Variants in PLD5 observed in about 807,000 individuals in gnomAD.
PLD5 encodes phospholipase D family member 5.
In PLD5, 36 loss-of-function variants were observed where a neutral mutation model predicts 61.1. The observed-to-expected ratio is 0.59, with a 90% confidence interval of 0.45 to 0.78. PLD5 has a LOEUF of 0.78. PLD5 is among the 30% of genes least tolerant of loss of function. The probability of loss-of-function intolerance (pLI) is 0.00; values close to 1 mark genes in which losing one functional copy is unlikely to be tolerated. For missense variants in PLD5, 515 were observed against 644.4 expected (o/e 0.80, Z 2.17); for synonymous variants, 243 against 242.8 (o/e 1.00, Z -0.01).
At chr1:242,144,114 C>T (rs1029872653) in intron 5 of PLD5, among the ~76,000 whole-genome samples, 9 of 152,090 alleles carry the variant, frequency 5.9e-5, no homozygotes, top group African/African-American at 2.2e-4. Context: ...AGTGATCTGC[C>T]CACCTTGGCC....
chr1:242,225,310 T>C (rs1255456685), intron 4 of PLD5, among the ~76,000 whole-genome samples: 1 of 152,076 alleles, frequency 6.6e-6, no homozygotes, highest in Non-Finnish European at 1.5e-5. Context: ...GTAAGACCCA[T>C]GCATGCTGTC....
At chr1:242,299,114 TA>T (rs199997452) in intron 2 of PLD5, among the ~76,000 whole-genome samples, 9,848 of 152,154 alleles carry the variant, frequency 0.065, 328 homozygotes, top group Middle Eastern at 0.12. Flanking sequence ...TCTATTACAT[TA>T]AAAAATTTTT....
chr1:242,287,073 T>A (rs531019395), intron 3 of PLD5, among the ~76,000 whole-genome samples: 33 of 152,242 alleles, frequency 2.2e-4, no homozygotes, highest in African/African-American at 5.1e-4. Context: ...AGCAACATGC[T>A]AGGATTCCAG....
At position 242,107,910 on chromosome 1, in the gene PLD5, T is replaced by C. The variant is rs1236740436; in HGVS notation, c.1071-71A>G. 15 of 1,376,778 alleles carry C rather than the reference T, an allele frequency of 1.1e-5. No individual in the cohort carries two copies. The East Asian group carries it at 1.4e-4, about 13-fold the overall frequency. The allele number at this position is 1,376,778 out of a possible 1,614,324, so 85.3% of individuals were successfully genotyped here. On this transcript the variant is annotated intron_variant, in intron 7 of 9. Coordinates refer to ENST00000536534, the MANE Select transcript of PLD5 (RefSeq NM_001372062.1). Reference sequence around the variant, plus strand: ...GGGAAAAGAAATTTACTAGACAGCATAGAACATTGATATTACTCAGATCAT... The same window carrying C: ...GGGAAAAGAAATTTACTAGACAGCACAGAACATTGATATTACTCAGATCAT...
intron 1 of PLD5, among the ~76,000 whole-genome samples, chr1:242,512,844 G>A (rs1668972474): frequency 6.7e-6 from 1 of 149,712 alleles, no homozygotes. Context: ...CAAACCTGAG[G>A]TTTCTTTCCA....
chr1:242,312,023 C>T (rs1022234917), intron 2 of PLD5, among the ~76,000 whole-genome samples: 103 of 151,868 alleles, frequency 6.8e-4, no homozygotes, highest in African/African-American at 2.4e-3. Flanking sequence ...TTTGAAATCA[C>T]TTATTGTGTT....
At chr1:242,153,658 G>T (rs1665118765) in intron 5 of PLD5, among the ~76,000 whole-genome samples, 1 of 152,172 alleles carries the variant, frequency 6.6e-6, no homozygotes, top group Non-Finnish European at 1.5e-5. Flanking sequence ...AGATCAGAGG[G>T]TTGTAGATGT....
chr1:242,381,106 C>A (rs941363052), intron 1 of PLD5, among the ~76,000 whole-genome samples: 1 of 152,122 alleles, frequency 6.6e-6, no homozygotes, highest in Admixed American at 6.6e-5. Flanking sequence ...TGCATATGTT[C>A]ACTGCAGCAC....
In PLD5 at chr1:242,197,632, ACTT is replaced by A. The variant is rs1250140759; in HGVS notation, c.735+22353_735+22355del. ...TTCCCCTGATCTGAATTAATTGCAC[ACTT>A]TTTTTTTTTTTTTTTCTGAGACGGA... is the stretch of plus-strand genomic sequence containing the variant. On this transcript the variant is annotated intron_variant, in intron 5 of 9. Transcript: ENST00000536534. Among the ~76,000 whole-genome samples the A allele has an allele frequency of 4.7e-3, 662 of 141,478 alleles. 4 individuals are homozygous for A. The highest frequency in any genetic ancestry group is 0.016 in the African/African-American group (597 of 37,698). The allele number at this position is 141,478 out of a possible 152,430, so 92.8% of individuals were successfully genotyped here. A position where few individuals can be genotyped will look rare whatever the true frequency, so the allele number is the denominator to read the frequency against.
At chr1:242,122,012 C>T (rs1662415886) in intron 6 of PLD5, among the ~76,000 whole-genome samples, 1 of 152,120 alleles carries the variant, frequency 6.6e-6, no homozygotes, top group African/African-American at 2.4e-5. Context: ...GTGGGTGCAG[C>T]ACACCAACAT....
chr1:242,462,576 A>C (rs541816856), intron 1 of PLD5, among the ~76,000 whole-genome samples: 29 of 150,950 alleles, frequency 1.9e-4, no homozygotes, highest in Non-Finnish European at 3.5e-4. Context: ...AAATCTGCAC[A>C]TGGACCCCCC....
chr1:242,502,548 CTTTTCT>C lies in PLD5; in HGVS notation c.189+21534_189+21539del, dbSNP rs528204890. Reference sequence around the variant, plus strand: ...TGCAACACTGTTAAATAAAAGATACCTTTTCTTGCATTTTTTCAAATCATTTAACAA... The same window carrying C: ...TGCAACACTGTTAAATAAAAGATACCTGCATTTTTTCAAATCATTTAACAA... On this transcript the variant is annotated intron_variant, in intron 1 of 9. Coordinates refer to ENST00000536534, the MANE Select transcript of PLD5 (RefSeq NM_001372062.1). Among the ~76,000 whole-genome samples the C allele has an allele frequency of 8.9e-4, 135 of 152,104 alleles. 1 individual carries two copies. The highest frequency in any genetic ancestry group is 3.2e-3 in the African/African-American group (132 of 41,496).
intron 1 of PLD5, among the ~76,000 whole-genome samples, chr1:242,479,213 C>T (rs1053931501): frequency 6.6e-6 from 1 of 152,114 alleles, no homozygotes; most frequent in African/African-American, 2.4e-5. Context: ...ATGCAATAGG[C>T]ACAAAACTGA....
intron 5 of PLD5, among the ~76,000 whole-genome samples, chr1:242,134,594 A>G (rs112473491): frequency 2.0e-4 from 31 of 152,272 alleles, no homozygotes; most frequent in African/African-American, 5.8e-4. Flanking sequence ...GAAACGCTGT[A>G]AAAATGTTCA....
intron 5 of PLD5, among the ~76,000 whole-genome samples, chr1:242,137,252 T>G (rs1574371839): frequency 6.6e-6 from 1 of 152,144 alleles, no homozygotes; most frequent in East Asian, 1.9e-4. Flanking sequence ...TACGAAGCCC[T>G]CTCCAGCACA....
rs562741945 is a variant in PLD5, at chr1:242,250,132, A to G, written c.607+15205T>C. On this transcript the variant is annotated intron_variant, in intron 4 of 9. Transcript: ENST00000536534. The stretch of plus-strand genomic sequence containing the variant: ...CTGATTTTAAATTCAGTCACTTGCC[A>G]CATTGCTTAGTCTCTCCCAGAGAAA... Among the ~76,000 whole-genome samples the G allele has an allele frequency of 2.0e-5, 3 of 152,300 alleles. No individual in the cohort carries two copies. The East Asian group carries it at 5.8e-4, about 29-fold the overall frequency.
chr1:242,297,614 C>T, intron 2 of PLD5, among the ~76,000 whole-genome samples: 1 of 141,672 alleles, frequency 7.1e-6, no homozygotes. Context: ...AGTATGGATT[C>T]ATGTTTCTTT....
chr1:242,273,096 G>T (rs1674205684), intron 3 of PLD5, among the ~76,000 whole-genome samples: 1 of 151,846 alleles, frequency 6.6e-6, no homozygotes, highest in African/African-American at 2.4e-5. Flanking sequence ...CCCCCAACAG[G>T]CCCTGGCATG....
At chr1:242,447,987 G>A (rs950197095) in intron 1 of PLD5, among the ~76,000 whole-genome samples, 1 of 152,210 alleles carries the variant, frequency 6.6e-6, no homozygotes, top group African/African-American at 2.4e-5. Context: ...AAAACATTCC[G>A]AAGCACTCAG....
Sources: gnomAD v4.1 joint callset for allele counts (sites outside exome capture counted in the v4.1 genomes callset) on GRCh38, gnomAD v4.1.1 for gene constraint, MANE v1.5 for transcripts, NCBI Gene and HGNC (gene_info 2026-07-23, HGNC 2026-07-21) for gene names.